STON2: variants seen among roughly 807,000 people sequenced by gnomAD.
STON2 encodes the protein stonin-2.
Under a neutral mutation model 65.7 loss-of-function variants are expected in STON2, and 29 were observed. The observed-to-expected ratio is 0.44, with a 90% CI of 0.33 to 0.60. The LOEUF (loss-of-function observed/expected upper bound fraction) is 0.60. Among genes scored for constraint, STON2 ranks in the 20% least tolerant of loss-of-function variants. The pLI, the probability that STON2 is intolerant of heterozygous loss-of-function variation, is 0.03. For synonymous variants in STON2, 404 were observed against 414.2 expected (o/e 0.98, Z 0.30); for missense variants, 1,054 against 1,118.1 (o/e 0.94, Z 0.82).
intron 2 of STON2, among the ~76,000 whole-genome samples, chr14:81,421,281 G>A (rs549595639): frequency 2.0e-5 from 3 of 152,292 alleles, no homozygotes; most frequent in East Asian, 1.9e-4. Flanking sequence ...TTACTTTGAC[G>A]AAGCAATGAG....
chr14:81,323,297 C>G (rs553501099), intron 5 of STON2, among the ~76,000 whole-genome samples: 1 of 152,314 alleles, frequency 6.6e-6, no homozygotes, highest in East Asian at 1.9e-4. Context: ...TTGGCACCAG[C>G]TCCCTGCACA....
intron 5 of STON2, among the ~76,000 whole-genome samples, chr14:81,284,705 A>C (rs1177851888): frequency 6.6e-6 from 1 of 152,234 alleles, no homozygotes; most frequent in Non-Finnish European, 1.5e-5. Flanking sequence ...ACAGCCTTTT[A>C]CTGGAAGAAG....
rs753293675 is a variant in STON2 at position 81,278,714 on chromosome 14, A to C, written c.768T>G (p.Asp256Glu). The change falls in exon 6 of 8, where the codon GAT becomes GAG. Residue 256 changes from aspartate to glutamate, a missense_variant. By Grantham distance (45) the Asp-to-Glu change is conservative. Transcript: ENST00000614646. ...TGATGGCCTCCATCTCTACTTCTTCATCTTCTTGAAGCGAGGAGGAATTGT... is the reference window on the plus strand; with the variant it reads ...TGATGGCCTCCATCTCTACTTCTTCCTCTTCTTGAAGCGAGGAGGAATTGT... ...PNDNSSSLQEDEEVEMEAISW... is the reference protein window; with the variant it reads ...PNDNSSSLQEEEEVEMEAISW... 47 of 1,518,226 alleles carry C rather than the reference A, an allele frequency of 3.1e-5. No homozygotes were observed. Among genetic ancestry groups the C allele is most frequent in the Non-Finnish European group, 4.0e-5 (45 of 1,135,846 alleles). 94.0% of individuals were successfully genotyped at this position (1,518,226 alleles called of 1,614,324 possible).
intron 3 of STON2, among the ~76,000 whole-genome samples, chr14:81,389,412 C>T (rs946620131): frequency 6.6e-6 from 1 of 152,186 alleles, no homozygotes; most frequent in Non-Finnish European, 1.5e-5. Flanking sequence ...GTTATCCATG[C>T]TAAAAAGAGT....
chr14:81,409,897 ACTT>A (rs1449738568), intron 2 of STON2, among the ~76,000 whole-genome samples: 1 of 152,382 alleles, frequency 6.6e-6, no homozygotes, highest in African/African-American at 2.4e-5. Flanking sequence ...AACTTCACCA[ACTT>A]CTAGCTAGTT....
chr14:81,294,043 C>G (rs1468918917), intron 5 of STON2, among the ~76,000 whole-genome samples: 1 of 152,102 alleles, frequency 6.6e-6, no homozygotes, highest in Non-Finnish European at 1.5e-5. Flanking sequence ...AAGTTATTTT[C>G]GCTCACAGTA....
Position 81,278,707 on chromosome 14 carries a change from C to G in STON2, c.775G>C (p.Val259Leu). The change falls in exon 6 of 8, where the codon GTA becomes CTA. Residue 259 changes from valine (V) to leucine (L), a missense_variant. Val to Leu is a conservative substitution (Grantham distance 32). Coordinates refer to ENST00000614646, the MANE Select transcript of STON2 (RefSeq NM_001394390.1). ...TGCCAGCTGATGGCCTCCATCTCTA[C>G]TTCTTCATCTTCTTGAAGCGAGGAG... Reference protein sequence around the residue: ...NSSSLQEDEEVEMEAISWQAS... With the variant: ...NSSSLQEDEELEMEAISWQAS... 2.0e-6 allele frequency: 3 copies of G among 1,518,832 alleles called. No homozygotes were observed. The highest frequency in any genetic ancestry group is 2.6e-6 in the Non-Finnish European group (3 of 1,136,062). The allele number at this position is 1,518,832 out of a possible 1,614,324, so 94.1% of individuals were successfully genotyped here. A position where few individuals can be genotyped will look rare whatever the true frequency, so the allele number is the denominator to read the frequency against.
intron 4 of STON2, among the ~76,000 whole-genome samples, chr14:81,359,919 GGCTTTACT>G (rs375587929): frequency 6.6e-6 from 1 of 152,180 alleles, no homozygotes; most frequent in African/African-American, 2.4e-5. Context: ...AAGTCCCAAT[GGCTTTACT>G]GCTGAAGTCT....
At chr14:81,347,276 T>C (rs1160861140) in intron 4 of STON2, among the ~76,000 whole-genome samples, 1 of 151,982 alleles carries the variant, frequency 6.6e-6, no homozygotes, top group Non-Finnish European at 1.5e-5. Flanking sequence ...AAAAGGATCA[T>C]CAGAGATTAT....
chr14:81,379,926 T>C (rs932925066), intron 3 of STON2, among the ~76,000 whole-genome samples: 7 of 152,200 alleles, frequency 4.6e-5, no homozygotes, highest in African/African-American at 1.4e-4. Context: ...ATTCTGGACA[T>C]TGGCCCTAGC....
At chr14:81,390,358 G>A (rs1253483628) in intron 3 of STON2, among the ~76,000 whole-genome samples, 1 of 152,170 alleles carries the variant, frequency 6.6e-6, no homozygotes, top group Non-Finnish European at 1.5e-5. Flanking sequence ...ACTGCGCTAT[G>A]TCTTTGAATA....
intron 5 of STON2, chr14:81,306,874 G>T (rs1896204596): frequency 6.6e-6 from 1 of 152,210 alleles, no homozygotes; most frequent in African/African-American, 2.4e-5. Context: ...CAGCTCTGCA[G>T]CTGTGCCCAA....
intron 3 of STON2, among the ~76,000 whole-genome samples, chr14:81,390,372 AC>A (rs1241427424): frequency 6.6e-6 from 1 of 152,164 alleles, no homozygotes; most frequent in African/African-American, 2.4e-5. Context: ...TTGAATATCC[AC>A]ACCTAGCAGA....
chr14:81,354,537 C>T (rs1010780336), intron 4 of STON2, among the ~76,000 whole-genome samples: 5 of 151,998 alleles, frequency 3.3e-5, no homozygotes, highest in African/African-American at 9.7e-5. Context: ...AAAGGGGGAT[C>T]TATGAAATGA....
chr14:81,395,848 T>C (rs1900286862), intron 3 of STON2, 46 bp downstream of exon 3: 3 of 1,599,846 alleles, frequency 1.9e-6, no homozygotes, highest in African/African-American at 1.3e-5. Context: ...CTGAAAAGCA[T>C]CCCTGCTGAC....
chr14:81,333,776 C>G (rs961542514), intron 4 of STON2, among the ~76,000 whole-genome samples: 1 of 152,172 alleles, frequency 6.6e-6, no homozygotes, highest in South Asian at 2.1e-4. Flanking sequence ...TTGGTATCAA[C>G]ATGATTTTCT....
chr14:81,270,466 T>C, intron 7 of STON2: 1 of 1,485,846 alleles, frequency 6.7e-7, no homozygotes, highest in East Asian at 2.3e-5. Flanking sequence ...TTTATTTTTT[T>C]CCAACCTTTC....
chr14:81,396,016 G>A lies in STON2; in HGVS notation c.251C>T (p.Pro84Leu), dbSNP rs563993314. Residue 84 changes from proline (P) to leucine (L), a missense_variant, in exon 3 of 8, where the codon CCA becomes CTA. Coordinates refer to ENST00000614646, the MANE Select transcript of STON2 (RefSeq NM_001394390.1). ...KMGLISEAAS[P>L]PGSPEQPPPD... ...TGGGGGCTGCTCAGGGCTCCCAGGT[G>A]GGGAAGCTGCTTCAGAGATGAGGCC... 381 of 1,614,204 alleles carry A rather than the reference G, an allele frequency of 2.4e-4. 4 individuals are homozygous for A. In the Middle Eastern group the frequency reaches 3.5e-3, roughly 15 times the overall value.
In STON2 at chr14:81,367,868, T is replaced by C. The variant is rs138566293; in HGVS notation, c.571+3120A>G. Among the ~76,000 whole-genome samples the C allele has an allele frequency of 1.9e-4, 29 of 152,318 alleles. No homozygotes were observed. In the East Asian group the frequency reaches 3.9e-3, roughly 20 times the overall value. On this transcript the variant is annotated intron_variant, in intron 4 of 7. Coordinates refer to ENST00000614646, the MANE Select transcript of STON2 (RefSeq NM_001394390.1). The stretch of plus-strand genomic sequence containing the variant: ...CGTCAAAGCAGATGGAAGCATTCCC[T>C]AGCACCTGGGCCATCCTGGGTCCTA...
Sources: gnomAD v4.1 joint callset for allele counts (sites outside exome capture counted in the v4.1 genomes callset) on GRCh38, gnomAD v4.1.1 for gene constraint, MANE v1.5 for transcripts, NCBI Gene and HGNC (gene_info 2026-07-23, HGNC 2026-07-21) for gene names.